The following BAG4 variants were observed in gnomAD, a reference collection of about 807,000 sequenced individuals.
The protein encoded by BAG4 is BAG cochaperone 4, also known as BAG family molecular chaperone regulator 4.
In BAG4, 28 loss-of-function variants were observed where a neutral mutation model predicts 52.1. The observed-to-expected ratio is 0.54, with a 90% CI of 0.40 to 0.74. The LOEUF is 0.74. Among genes scored for constraint, BAG4 ranks in the 30% least tolerant of loss-of-function variants. The probability of loss-of-function intolerance (pLI) is 0.00; values close to 1 mark genes in which losing one functional copy is unlikely to be tolerated. For missense variants in BAG4, 525 were observed against 572.0 expected (o/e 0.92, Z 0.84); for synonymous variants, 208 against 217.0 (o/e 0.96, Z 0.37).
intron 1 of BAG4, among the ~76,000 whole-genome samples, chr8:38,186,866 T>G (rs1449123671): frequency 6.6e-6 from 1 of 152,228 alleles, no homozygotes; most frequent in Admixed American, 6.5e-5. Context: ...TGCCTTCTAA[T>G]GAGCAATATC....
At chr8:38,204,550 G>A (rs987021917) in intron 2 of BAG4, among the ~76,000 whole-genome samples, 1 of 151,990 alleles carries the variant, frequency 6.6e-6, no homozygotes, top group Non-Finnish European at 1.5e-5. Flanking sequence ...CCAGCACTTT[G>A]GGAGGCTGAG....
intron 1 of BAG4, among the ~76,000 whole-genome samples, chr8:38,177,784 C>T (rs990147618): frequency 5.3e-5 from 8 of 152,024 alleles, no homozygotes; most frequent in Non-Finnish European, 1.0e-4. Flanking sequence ...TTGCCTAATA[C>T]ACTTGGACCT....
At position 38,207,494 on chromosome 8, in the gene BAG4, C is replaced by T. The variant is rs944207508; in HGVS notation, c.379-18C>T. ...TCTACTAATTCATCTTTTTTTCACT[C>T]AACTTGGTTTTTTTCAGAGTTTGAA... On this transcript the variant is annotated intron_variant, in intron 2 of 4. Transcript: ENST00000287322. 2 of 1,598,540 alleles carry T rather than the reference C, an allele frequency of 1.3e-6. No homozygotes were observed. Among genetic ancestry groups the T allele is most frequent in the Non-Finnish European group, 1.7e-6 (2 of 1,171,922 alleles).
chr8:38,209,873 A>T (rs1803837709), intron 4 of BAG4, 135 bp from the exon 5 acceptor site: 7 of 1,221,086 alleles, frequency 5.7e-6, no homozygotes, highest in Non-Finnish European at 8.0e-6. Flanking sequence ...GATTAAGGAG[A>T]GGGGTCCAAT....
chr8:38,209,431 T>C (rs1803831601), intron 4 of BAG4, 164 bp downstream of exon 4: 1 of 800,370 alleles, frequency 1.2e-6, no homozygotes, highest in African/African-American at 1.7e-5. Context: ...TTTTCTTTTT[T>C]TTAATAGACT....
chr8:38,191,516 T>C (rs1382150236), intron 1 of BAG4, among the ~76,000 whole-genome samples: 1 of 152,158 alleles, frequency 6.6e-6, no homozygotes, highest in Non-Finnish European at 1.5e-5. Context: ...TCCAGCACTT[T>C]GGGAAGCCAA....
In BAG4 at chr8:38,176,981, C is replaced by G. The variant is rs1483984798; in HGVS notation, c.112C>G (p.Pro38Ala). 6.3e-7 allele frequency: 1 copy of G among 1,585,058 alleles called. No homozygotes were observed. The highest frequency in any genetic ancestry group is 2.3e-5 in the East Asian group (1 of 43,490). ...GGTACACCCACCTCCACCCTTATAT[C>G]CTCTTCGCCCTGAACCTCCCCAGCC... is the stretch of plus-strand genomic sequence containing the variant. Reference protein sequence around the residue: ...VPVHPPPPLYPLRPEPPQPPI... With the variant: ...VPVHPPPPLYALRPEPPQPPI... Residue 38 changes from proline (P) to alanine (A), a missense_variant, in exon 1 of 5, where the codon CCT becomes GCT. Physicochemically the swap from Pro to Ala is conservative, Grantham distance 27 (BLOSUM62 -1). Coordinates refer to ENST00000287322, the MANE Select transcript of BAG4 (RefSeq NM_004874.4).
At chr8:38,190,065 G>T (rs546909998) in intron 1 of BAG4, among the ~76,000 whole-genome samples, 1 of 152,278 alleles carries the variant, frequency 6.6e-6, no homozygotes, top group Admixed American at 6.5e-5. Context: ...GATTACAGGT[G>T]TGAGCCGCTG....
At chr8:38,188,036 CAAAAAAAAAA>C (rs1157770485) in intron 1 of BAG4, among the ~76,000 whole-genome samples, 14 of 37,132 alleles carry the variant, frequency 3.8e-4, no homozygotes, top group African/African-American at 1.3e-3. Flanking sequence ...GACTCCGTCT[CAAAAAAAAAA>C]AAAAAAAAAA....
intron 2 of BAG4, among the ~76,000 whole-genome samples, chr8:38,194,570 C>A (rs1276849237): frequency 1.3e-5 from 2 of 151,496 alleles, no homozygotes; most frequent in Non-Finnish European, 2.9e-5. Context: ...TGTCTGCCAC[C>A]ATGCCCGGCT....
chr8:38,192,762 T>C lies in BAG4; in HGVS notation c.345T>C (p.Ser115=). The C allele has an allele frequency of 6.2e-7, 1 of 1,612,786 alleles. No individual in the cohort carries two copies. Among genetic ancestry groups the C allele is most frequent in the Non-Finnish European group, 8.5e-7 (1 of 1,179,438 alleles). The change falls in exon 2 of 5, where the codon AGT becomes AGC. Residue 115 remains serine (S), a synonymous_variant. Coordinates refer to ENST00000287322, the MANE Select transcript of BAG4 (RefSeq NM_004874.4). ...CGAGATCTAGGGCTCCTTACCCAAG[T>C]ACATATCCTGTAAGACCAGAATTGC... The part of the protein sequence containing the change: ...STARSRAPYP[S]TYPVRPELQG...
intron 1 of BAG4, among the ~76,000 whole-genome samples, chr8:38,182,649 T>C (rs1803290589): frequency 6.6e-6 from 1 of 152,142 alleles, no homozygotes; most frequent in Admixed American, 6.5e-5. Flanking sequence ...CATGATAAAA[T>C]TGGTAACTTA....
chr8:38,211,196 T>TTTC lies in BAG4; in HGVS notation c.*709_*711dup, dbSNP rs1362886885. The stretch of plus-strand genomic sequence containing the variant: ...CTATAGATCATTAGGTTAGAGTTTT[T>TTTC]TTCTTCTTTTTTTTTTTTTTTTTTT... On this transcript the variant is annotated 3_prime_UTR_variant, in exon 5 of 5. Transcript: ENST00000287322. 2 of 149,364 alleles carry TTTC rather than the reference T, an allele frequency of 1.3e-5. No individual in the cohort carries two copies. Among genetic ancestry groups the TTTC allele is most frequent in the Non-Finnish European group, 3.0e-5 (2 of 67,536 alleles). The allele number at this position is 149,364 out of a possible 1,614,324, so 9.3% of individuals were successfully genotyped here.
chr8:38,199,437 T>G (rs1803620936), intron 2 of BAG4, among the ~76,000 whole-genome samples: 1 of 152,256 alleles, frequency 6.6e-6, no homozygotes, highest in African/African-American at 2.4e-5. Flanking sequence ...GCAATTTTTT[T>G]GTTTTTTATT....
intron 1 of BAG4, among the ~76,000 whole-genome samples, chr8:38,186,148 G>A (rs1438390570): frequency 2.0e-5 from 3 of 152,112 alleles, no homozygotes; most frequent in Non-Finnish European, 4.4e-5. Flanking sequence ...GTGGCTGAGT[G>A]GTGGTGGTTC....
chr8:38,187,370 CATGAATTTGAAGATAGATCAATACAGATT>C (rs1386608998), intron 1 of BAG4, among the ~76,000 whole-genome samples: 1 of 151,936 alleles, frequency 6.6e-6, no homozygotes, highest in Non-Finnish European at 1.5e-5. Flanking sequence ...AGAAAGAATT[CATGAATTTGAAGATAGATCAATACAGATT>C]ATGCAATATG....
intron 2 of BAG4, chr8:38,201,864 ATATATATATATATATATTTTTTTTTTT>A (rs1803675333): frequency 2.2e-3 from 13 of 6,036 alleles, no homozygotes; most frequent in African/African-American, 4.2e-3. Context: ...ATATATATAT[ATATATATATATATATATTTTTTTTTTT>A]TTTTTTTTTT....
At chr8:38,209,303 G>T in intron 4 of BAG4, 36 bp downstream of exon 4, 1 of 1,612,658 alleles carries the variant, frequency 6.2e-7, no homozygotes, top group Admixed American at 1.7e-5. Context: ...TAATGTGTGT[G>T]TAATTAGGAG....
intron 1 of BAG4, among the ~76,000 whole-genome samples, chr8:38,183,241 G>T (rs1803304325): frequency 6.6e-6 from 1 of 151,788 alleles, no homozygotes; most frequent in South Asian, 2.1e-4. Context: ...TAGAGATGGG[G>T]TTTCACCATG....
Sources: allele counts gnomAD v4.1 joint callset (sites outside exome capture counted in the v4.1 genomes callset), GRCh38; gene constraint gnomAD v4.1.1; transcripts MANE v1.5; gene names NCBI Gene and HGNC (gene_info 2026-07-23, HGNC 2026-07-21).